PEMT: variants seen among roughly 807,000 people sequenced by gnomAD.
PEMT encodes phospholipid methyltransferase.
In PEMT, 23 loss-of-function variants were observed where a neutral mutation model predicts 27.4. That is an observed-to-expected ratio of 0.84 (90% CI 0.60 to 1.19). The LOEUF is 1.19. Among genes scored for constraint, PEMT ranks in the 50% most tolerant of loss-of-function variants. The pLI is 0.00. For missense variants in PEMT, 307 were observed against 310.1 expected (o/e 0.99, Z 0.07); for synonymous variants, 137 against 139.1 (o/e 0.98, Z 0.11).
chr17:17,506,579 G>A (rs1484856295), intron 5 of PEMT, among the ~76,000 whole-genome samples: 4 of 152,224 alleles, frequency 2.6e-5, no homozygotes, highest in African/African-American at 7.2e-5. Context: ...CACTCTTTCC[G>A]GGTCTCCAGC....
chr17:17,508,498 C>T (rs1906083897), intron 5 of PEMT, among the ~76,000 whole-genome samples: 1 of 152,262 alleles, frequency 6.6e-6, no homozygotes, highest in African/African-American at 2.4e-5. Context: ...TTGACATTCA[C>T]TGTTTACGAT....
At chr17:17,579,776 G>T (rs1056362539) in intron 1 of PEMT, among the ~76,000 whole-genome samples, 3 of 152,244 alleles carry the variant, frequency 2.0e-5, no homozygotes, top group Non-Finnish European at 2.9e-5. Context: ...TCTGTAGACA[G>T]AATAGCTGAG....
intron 5 of PEMT, chr17:17,506,959 G>C (rs1001027705): frequency 1.7e-6 from 1 of 585,454 alleles, no homozygotes; most frequent in African/African-American, 1.9e-5. Context: ...CAGCCCAGAG[G>C]ACGGGAGGCC....
chr17:17,543,689 A>T (rs1050443052), intron 2 of PEMT, among the ~76,000 whole-genome samples: 3 of 152,020 alleles, frequency 2.0e-5, no homozygotes, highest in Admixed American at 6.5e-5. Flanking sequence ...CAGCCTCCTG[A>T]GTAGCTGGGA....
intron 4 of PEMT, among the ~76,000 whole-genome samples, chr17:17,510,281 G>T (rs115625952): frequency 6.6e-6 from 1 of 152,192 alleles, no homozygotes. Context: ...AGTGGCCGGG[G>T]TCACAGTCAC....
At chr17:17,528,950 G>A (rs1052863067) in intron 2 of PEMT, among the ~76,000 whole-genome samples, 4 of 152,218 alleles carry the variant, frequency 2.6e-5, no homozygotes, top group Non-Finnish European at 4.4e-5. Context: ...CTGTGATACC[G>A]TCACATAAGC....
chr17:17,547,259 C>T (rs1909321103), intron 2 of PEMT, among the ~76,000 whole-genome samples: 1 of 152,188 alleles, frequency 6.6e-6, no homozygotes, highest in Admixed American at 6.5e-5. Context: ...TGCAGAGCTC[C>T]CGACCCCTCT....
At chr17:17,537,936 G>A (rs568262312) in intron 2 of PEMT, among the ~76,000 whole-genome samples, 20 of 152,338 alleles carry the variant, frequency 1.3e-4, no homozygotes, top group Middle Eastern at 3.4e-3. Context: ...TCATCCTCAC[G>A]TCCAACCTGC....
chr17:17,522,435 G>GAGTCTCCCCA, intron 2 of PEMT, 40 bp from the exon 3 acceptor site: 8 of 1,355,282 alleles, frequency 5.9e-6, no homozygotes, highest in Non-Finnish European at 8.4e-6. Flanking sequence ...ATATTTCCTG[G>GAGTCTCCCCA]GGAGACTCCA....
At chr17:17,515,931 GAA>G (rs1344896963) in intron 3 of PEMT, among the ~76,000 whole-genome samples, 1 of 152,188 alleles carries the variant, frequency 6.6e-6, no homozygotes, top group Non-Finnish European at 1.5e-5. Flanking sequence ...TAAAATCCCG[GAA>G]ACCCTGGGGT....
In PEMT at chr17:17,513,529, G is replaced by A. The variant is rs70963039; in HGVS notation, c.321-875C>T. ...CAAGAATCGCTTGAACCCAGGAGGC[G>A]GAGTTTGCACACCACTGCACTCCAG... On this transcript the variant is annotated intron_variant, in intron 3 of 6. Transcript: ENST00000255389. This position sits in a 1 kb window ranked among gnomAD's most constrained non-coding sequence, Gnocchi z 4.1. Among the ~76,000 whole-genome samples, 416 of 152,268 alleles carry A rather than the reference G, an allele frequency of 2.7e-3. No individual in the cohort carries two copies. The highest frequency in any genetic ancestry group is 7.6e-3 in the African/African-American group (314 of 41,558).
chr17:17,565,422 GA>G (rs1910766677), intron 2 of PEMT: 1 of 152,432 alleles, frequency 6.6e-6, no homozygotes, highest in Non-Finnish European at 1.5e-5. Context: ...CCCTGGAACA[GA>G]AGCTCAGTGT....
chr17:17,574,008 C>T (rs1911393886), intron 2 of PEMT, among the ~76,000 whole-genome samples: 1 of 152,096 alleles, frequency 6.6e-6, no homozygotes, highest in Non-Finnish European at 1.5e-5. Flanking sequence ...TCTCCAACTC[C>T]TTGGCTCAAC....
chr17:17,591,418 C>G, intron 1 of PEMT, 113 bp downstream of exon 1: 2 of 861,484 alleles, frequency 2.3e-6, no homozygotes, highest in South Asian at 1.8e-5. Context: ...GCCCCCATTG[C>G]CTGGGAACTG....
At chr17:17,543,829 T>C (rs1224917595) in intron 2 of PEMT, among the ~76,000 whole-genome samples, 1 of 152,280 alleles carries the variant, frequency 6.6e-6, no homozygotes, top group Non-Finnish European at 1.5e-5. Context: ...TCCCAGAGTG[T>C]TGGGATTACG....
intron 5 of PEMT, chr17:17,506,955 A>G (rs1363485422): frequency 1.7e-6 from 1 of 578,592 alleles, no homozygotes; most frequent in Non-Finnish European, 3.1e-6. Context: ...ACCCCAGCCC[A>G]GAGGACGGGA....
At chr17:17,566,896 GTAAC>G (rs1910863034) in intron 2 of PEMT, among the ~76,000 whole-genome samples, 1 of 152,320 alleles carries the variant, frequency 6.6e-6, no homozygotes, top group African/African-American at 2.4e-5. Context: ...AAAAGGGAAA[GTAAC>G]TAAGGCAGCC....
intron 3 of PEMT, among the ~76,000 whole-genome samples, chr17:17,515,079 G>A (rs751333626): frequency 2.6e-5 from 4 of 152,160 alleles, no homozygotes; most frequent in South Asian, 2.1e-4. Context: ...GGGGGTGGGC[G>A]CAGAGGCCAG....
chr17:17,588,788 C>T (rs998332537), intron 1 of PEMT, among the ~76,000 whole-genome samples: 1 of 152,182 alleles, frequency 6.6e-6, no homozygotes, highest in Non-Finnish European at 1.5e-5. Flanking sequence ...AGATGCAGAC[C>T]CTGCTCTCAT....
Sources: allele counts gnomAD v4.1 joint callset (sites outside exome capture counted in the v4.1 genomes callset), GRCh38; gene constraint gnomAD v4.1.1; non-coding constraint Gnocchi (gnomAD v3.1); transcripts MANE v1.5; gene names NCBI Gene and HGNC (gene_info 2026-07-23, HGNC 2026-07-21).